DCAF8L2: variants seen among roughly 807,000 people sequenced by gnomAD.
DCAF8L2 encodes the protein DDB1- and CUL4-associated factor 8-like protein 2.
For missense variants in DCAF8L2, 430 were observed against 490.7 expected (o/e 0.88, Z 1.17); for synonymous variants, 200 against 190.9 (o/e 1.05, Z -0.39).
chrX:27,708,626 T>A (rs762785783), intron 3 of DCAF8L2, among the ~76,000 whole-genome samples: 10 of 112,442 alleles, frequency 8.9e-5, no homozygotes, highest in Non-Finnish European at 1.7e-4. Context: ...CAAGGAATAT[T>A]TGTACTATTG....
intron 2 of DCAF8L2, among the ~76,000 whole-genome samples, chrX:27,669,445 C>CTTATTTAT (rs200113430): frequency 4.0e-4 from 43 of 106,369 alleles, no homozygotes; most frequent in African/African-American, 1.5e-3. Flanking sequence ...CCCAATATTT[C>CTTATTTAT]TTATTTATTC....
chrX:27,679,764 C>G (rs1049432309), intron 3 of DCAF8L2, among the ~76,000 whole-genome samples: 15 of 111,560 alleles, frequency 1.3e-4, no homozygotes, highest in Middle Eastern at 4.2e-3. Context: ...TCTGACACTT[C>G]AAGCACCACA....
At chrX:27,718,902 C>T (rs1055788330) in intron 4 of DCAF8L2, among the ~76,000 whole-genome samples, 2 of 111,513 alleles carry the variant, frequency 1.8e-5, no homozygotes, top group Admixed American at 1.9e-4. Flanking sequence ...GCTTCTCAGA[C>T]AATTCCTTAT....
chrX:27,552,668 T>A, the DCAF8L2 span, among the ~76,000 whole-genome samples: 14 of 112,129 alleles, frequency 1.2e-4, no homozygotes, highest in Non-Finnish European at 2.1e-4. Context: ...TCTATTTTTA[T>A]GCCAATATCA....
chrX:27,547,861 C>T, the DCAF8L2 span, among the ~76,000 whole-genome samples: 10 of 70,229 alleles, frequency 1.4e-4, no homozygotes, highest in African/African-American at 5.6e-4. Flanking sequence ...CTCTCTCTCT[C>T]TCTCTCTCTT....
intron 3 of DCAF8L2, among the ~76,000 whole-genome samples, chrX:27,685,589 T>C (rs1398955816): frequency 4.5e-5 from 5 of 111,678 alleles, no homozygotes; most frequent in Middle Eastern, 4.6e-3. Flanking sequence ...CTCTAAATGG[T>C]TTAAAAACTT....
chrX:27,542,163 T>C, the DCAF8L2 span, among the ~76,000 whole-genome samples: 1 of 111,739 alleles, frequency 8.9e-6, no homozygotes, highest in Admixed American at 9.5e-5. Flanking sequence ...AATGAATGAA[T>C]GAGTGCATGT....
chrX:27,681,139 G>A (rs1930311564), intron 3 of DCAF8L2, among the ~76,000 whole-genome samples: 1 of 111,406 alleles, frequency 9.0e-6, no homozygotes, highest in Non-Finnish European at 1.9e-5. Flanking sequence ...AATAAAAGAA[G>A]CAATCAAGTC....
intron 4 of DCAF8L2, among the ~76,000 whole-genome samples, chrX:27,736,231 C>T (rs1292483005): frequency 9.0e-6 from 1 of 111,422 alleles, no homozygotes; most frequent in East Asian, 2.8e-4. Flanking sequence ...CCTTATCTAT[C>T]AAGCAGGTCA....
intron 4 of DCAF8L2, among the ~76,000 whole-genome samples, chrX:27,744,691 A>C (rs1434190408): frequency 8.9e-6 from 1 of 111,790 alleles, no homozygotes; most frequent in African/African-American, 3.3e-5. Context: ...ATGGGGATAG[A>C]TCCTTCATGA....
chrX:27,618,719 A>C (rs1420412905), intron 1 of DCAF8L2, among the ~76,000 whole-genome samples: 1 of 111,273 alleles, frequency 9.0e-6, no homozygotes, highest in Non-Finnish European at 1.9e-5. Context: ...CTGGTTGTGT[A>C]TGTGAAGTGA....
At chrX:27,497,174 T>C in the DCAF8L2 span, among the ~76,000 whole-genome samples, 2 of 111,470 alleles carry the variant, frequency 1.8e-5, no homozygotes, top group African/African-American at 6.5e-5. Context: ...TGCATGAAGC[T>C]ACACGCGATA....
the DCAF8L2 span, among the ~76,000 whole-genome samples, chrX:27,562,368 C>T: frequency 2.7e-5 from 3 of 112,201 alleles, no homozygotes; most frequent in Non-Finnish European, 5.6e-5. Context: ...CACCTTGTGC[C>T]AAAAGCTCAC....
Position 27,590,438 on chromosome X carries a change from A to G in DCAF8L2, c.-344A>G, listed in dbSNP as rs1459403218. The G allele has an allele frequency of 9.0e-6, 1 of 111,723 alleles. No homozygotes were observed. Among genetic ancestry groups the G allele is most frequent in the Admixed American group, 9.5e-5 (1 of 10,482 alleles). 9.2% of individuals were successfully genotyped at this position (111,723 alleles called of 1,213,427 possible). On this transcript the variant is annotated splice_region_variant and 5_prime_UTR_variant, in exon 1 of 5. It removes an upstream start codon present in the reference 5' UTR. Transcript: ENST00000451261. ...AGAGGAAGGCGAATGACTCGAGTCTATGGTATGTAATCAATATTTTGATTT... is the reference window on the plus strand; with the variant it reads ...AGAGGAAGGCGAATGACTCGAGTCTGTGGTATGTAATCAATATTTTGATTT...
intron 3 of DCAF8L2, among the ~76,000 whole-genome samples, chrX:27,678,758 G>C (rs6630547): frequency 0.099 from 10,962 of 111,214 alleles, 503 homozygotes; most frequent in East Asian, 0.35. Flanking sequence ...GATGGATGTT[G>C]CTGATGGTTG....
At chrX:27,657,702 G>A (rs1021079913) in intron 2 of DCAF8L2, among the ~76,000 whole-genome samples, 3 of 111,828 alleles carry the variant, frequency 2.7e-5, no homozygotes, top group Admixed American at 1.9e-4. Flanking sequence ...GACAGAATAA[G>A]GATAATGTCC....
chrX:27,650,823 A>G (rs1929119795), intron 2 of DCAF8L2, among the ~76,000 whole-genome samples: 1 of 95,050 alleles, frequency 1.1e-5, no homozygotes, highest in Non-Finnish European at 2.0e-5. Context: ...AAGGATTTCC[A>G]GTATTATGTT....
intron 3 of DCAF8L2, among the ~76,000 whole-genome samples, chrX:27,713,431 GA>G (rs1931594216): frequency 9.0e-6 from 1 of 111,434 alleles, no homozygotes; most frequent in Non-Finnish European, 1.9e-5. Flanking sequence ...GTAGTTGAAA[GA>G]AACTCTTCAG....
At chrX:27,640,368 T>C (rs1236004725) in intron 2 of DCAF8L2, among the ~76,000 whole-genome samples, 1 of 108,122 alleles carries the variant, frequency 9.2e-6, no homozygotes, top group Non-Finnish European at 1.9e-5. Flanking sequence ...GATTTGGGAG[T>C]CTGGCTTCTT....
Sources: allele counts gnomAD v4.1 joint callset (sites outside exome capture counted in the v4.1 genomes callset), GRCh38; gene constraint gnomAD v4.1.1; transcripts MANE v1.5; gene names NCBI Gene and HGNC (gene_info 2026-07-23, HGNC 2026-07-21).